NUDCD1: variants seen among roughly 807,000 people sequenced by gnomAD.
NUDCD1 encodes the protein nudC domain-containing protein 1.
A neutral mutation model predicts 67.8 loss-of-function variants in NUDCD1; 60 were observed. That is an observed-to-expected ratio of 0.88 (90% CI 0.72 to 1.10). NUDCD1 has a LOEUF of 1.10. Ranked by LOEUF, NUDCD1 falls within the 50% of genes least tolerant of loss-of-function variation. The pLI is 0.00. For missense variants in NUDCD1, 643 were observed against 695.0 expected (o/e 0.93, Z 0.84); for synonymous variants, 244 against 230.8 (o/e 1.06, Z -0.52).
chr8:109,275,436 T>G lies in NUDCD1; in HGVS notation c.1089A>C (p.Gly363=), dbSNP rs760796024. The change falls in exon 7 of 10, where the codon GGA becomes GGC. Residue 363 remains glycine (G), a synonymous_variant. Coordinates refer to ENST00000239690, the MANE Select transcript of NUDCD1 (RefSeq NM_032869.4). ...CTCTTATAAGTTCCCCTTGTTTATCTCCAATTACTAGCTCTGGCCAGGTCA... is the reference window on the plus strand; with the variant it reads ...CTCTTATAAGTTCCCCTTGTTTATCGCCAATTACTAGCTCTGGCCAGGTCA... ...EGLTWPELVI[G]DKQGELIRDS... The G allele has an allele frequency of 6.2e-7, 1 of 1,613,728 alleles. No individual in the cohort carries two copies. Among genetic ancestry groups the G allele is most frequent in the Non-Finnish European group, 8.5e-7 (1 of 1,179,688 alleles).
chr8:109,322,099 G>T (rs1025947478), intron 2 of NUDCD1, among the ~76,000 whole-genome samples: 5 of 152,122 alleles, frequency 3.3e-5, no homozygotes, highest in African/African-American at 1.2e-4. Flanking sequence ...GCCCAATGGT[G>T]AGAGTGGAGG....
chr8:109,283,912 C>T (rs564715275), intron 5 of NUDCD1, among the ~76,000 whole-genome samples: 2 of 150,978 alleles, frequency 1.3e-5, no homozygotes, highest in South Asian at 4.2e-4. Flanking sequence ...AGAATCAAAA[C>T]TTCACATAAC....
chr8:109,292,434 CAGAT>C (rs34602291), intron 4 of NUDCD1, among the ~76,000 whole-genome samples: 1 of 151,520 alleles, frequency 6.6e-6, no homozygotes, highest in Non-Finnish European at 1.5e-5. Context: ...ATTAGATAGA[CAGAT>C]AGCTGTTTTA....
At chr8:109,249,347 G>A (rs1173184142) in intron 8 of NUDCD1, among the ~76,000 whole-genome samples, 4 of 152,176 alleles carry the variant, frequency 2.6e-5, no homozygotes, top group African/African-American at 7.2e-5. Flanking sequence ...AACACTGACA[G>A]AAAAGCATAG....
intron 3 of NUDCD1, among the ~76,000 whole-genome samples, chr8:109,294,048 A>G (rs1022498483): frequency 6.6e-6 from 1 of 150,766 alleles, no homozygotes; most frequent in African/African-American, 2.4e-5. Context: ...AGCATCATAC[A>G]GAAACACACA....
At chr8:109,284,846 A>T (rs1235718392) in intron 5 of NUDCD1, among the ~76,000 whole-genome samples, 2 of 152,108 alleles carry the variant, frequency 1.3e-5, no homozygotes, top group Non-Finnish European at 2.9e-5. Flanking sequence ...ATTGAGACCC[A>T]AATATGCAAA....
At chr8:109,313,040 G>A (rs1815293408) in intron 2 of NUDCD1, among the ~76,000 whole-genome samples, 1 of 152,142 alleles carries the variant, frequency 6.6e-6, no homozygotes, top group African/African-American at 2.4e-5. Context: ...CCAATTTCCT[G>A]ACAGTATTCA....
intron 8 of NUDCD1, 53 bp from the exon 9 acceptor site, chr8:109,245,534 C>G (rs573928354): frequency 7.1e-7 from 1 of 1,405,428 alleles, no homozygotes; most frequent in African/African-American, 1.4e-5. Flanking sequence ...ATAATAGCAA[C>G]AATAACAATG....
intron 1 of NUDCD1, 63 bp from the exon 2 acceptor site, chr8:109,322,526 A>G: frequency 7.5e-7 from 1 of 1,325,074 alleles, no homozygotes; most frequent in Non-Finnish European, 1.1e-6. Context: ...TTCTATCTGT[A>G]GAATGCCTAC....
In NUDCD1 at chr8:109,333,878, G is replaced by T; in HGVS notation, c.118+15C>A. The T allele has an allele frequency of 6.2e-7, 1 of 1,613,540 alleles. No individual in the cohort carries two copies. Among genetic ancestry groups the T allele is most frequent in the Non-Finnish European group, 8.5e-7 (1 of 1,179,648 alleles). On this transcript the variant is annotated intron_variant, in intron 1 of 9. Coordinates refer to ENST00000239690, the MANE Select transcript of NUDCD1 (RefSeq NM_032869.4). ...GGGAAAGGAACGGAGTACGAAGGGC[G>T]CCGCCGCTTCCCACCTGCGTCAAGC...
chr8:109,282,745 T>C (rs1181746716), intron 5 of NUDCD1, among the ~76,000 whole-genome samples: 2 of 151,862 alleles, frequency 1.3e-5, no homozygotes, highest in African/African-American at 2.4e-5. Flanking sequence ...GGCGGGTTGA[T>C]GAGTGCAGCA....
intron 8 of NUDCD1, among the ~76,000 whole-genome samples, chr8:109,263,113 C>T (rs1320405851): frequency 6.9e-6 from 1 of 144,716 alleles, no homozygotes; most frequent in African/African-American, 2.5e-5. Context: ...TAGAACGCAC[C>T]TTCATTTTAC....
chr8:109,242,270 G>C lies in NUDCD1; in HGVS notation c.*739C>G. ...CTCTTAAGATGTTTTCTCTACTATG[G>C]AAAGAAGATTCGTCTAGTCTACTGG... On this transcript the variant is annotated 3_prime_UTR_variant, in exon 10 of 10. Transcript: ENST00000239690. The C allele has an allele frequency of 2.5e-6, 1 of 395,764 alleles. No individual in the cohort carries two copies. Among genetic ancestry groups the C allele is most frequent in the Non-Finnish European group, 4.5e-6 (1 of 224,330 alleles). 24.5% of individuals were successfully genotyped at this position (395,764 alleles called of 1,614,324 possible).
At chr8:109,265,855 C>T (rs543067850) in intron 8 of NUDCD1, among the ~76,000 whole-genome samples, 2 of 152,272 alleles carry the variant, frequency 1.3e-5, no homozygotes, top group African/African-American at 4.8e-5. Flanking sequence ...AGCTCACCCA[C>T]TGCTCACCTC....
At chr8:109,263,065 A>C (rs6999962) in intron 8 of NUDCD1, among the ~76,000 whole-genome samples, 26 of 150,024 alleles carry the variant, frequency 1.7e-4, no homozygotes, top group African/African-American at 5.9e-4. Flanking sequence ...AAAAAAAAAA[A>C]AAAAAAAAAA....
intron 9 of NUDCD1, among the ~76,000 whole-genome samples, chr8:109,243,786 A>G (rs1449397078): frequency 6.6e-6 from 1 of 152,124 alleles, no homozygotes; most frequent in East Asian, 1.9e-4. Flanking sequence ...TGAATGTACT[A>G]GTATTCGTGA....
intron 2 of NUDCD1, among the ~76,000 whole-genome samples, chr8:109,305,083 C>T (rs1815073131): frequency 6.6e-6 from 1 of 152,210 alleles, no homozygotes; most frequent in Non-Finnish European, 1.5e-5. Context: ...AATCCCTTCT[C>T]AGTGTTCCAT....
chr8:109,282,625 T>C (rs759632803), intron 5 of NUDCD1, among the ~76,000 whole-genome samples: 14 of 147,236 alleles, frequency 9.5e-5, no homozygotes, highest in East Asian at 4.0e-4. Flanking sequence ...TAAGTGGGAG[T>C]TGAACAATGA....
chr8:109,325,172 G>A (rs1815648118), intron 1 of NUDCD1, among the ~76,000 whole-genome samples: 1 of 152,046 alleles, frequency 6.6e-6, no homozygotes, highest in Admixed American at 6.6e-5. Context: ...GGAGAGAGTA[G>A]AAAGATAGTT....
Sources: gnomAD v4.1 joint callset for allele counts (sites outside exome capture counted in the v4.1 genomes callset) on GRCh38, gnomAD v4.1.1 for gene constraint, MANE v1.5 for transcripts, NCBI Gene and HGNC (gene_info 2026-07-23, HGNC 2026-07-21) for gene names.